GRK2: variants seen among roughly 807,000 people sequenced by gnomAD.
GRK2 encodes the protein adrenergic beta receptor kinase 1.
GRK2 carries 23 observed loss-of-function variants against 97.8 expected under a neutral mutation model. The observed-to-expected ratio is 0.24, with a 90% CI of 0.17 to 0.33. GRK2 has a LOEUF of 0.33. Among genes scored for constraint, GRK2 ranks in the 10% least tolerant of loss-of-function variants. The pLI is 1.00. For missense variants in GRK2, 633 were observed against 956.9 expected (o/e 0.66, Z 4.47); for synonymous variants, 425 against 381.7 (o/e 1.11, Z -1.32).
At chr11:67,275,677 CCCCATTGG>C (rs1445147836) in intron 1 of GRK2, among the ~76,000 whole-genome samples, 1 of 152,222 alleles carries the variant, frequency 6.6e-6, no homozygotes, top group African/African-American at 2.4e-5. Context: ...CTCTCTCCTG[CCCCATTGG>C]CCCCTTGCTC....
chr11:67,285,447 C>T lies in GRK2; in HGVS notation c.2067C>T (p.Leu689=), dbSNP rs1860257550. 4 of 1,541,044 alleles carry T rather than the reference C, an allele frequency of 2.6e-6. No individual in the cohort carries two copies. The highest frequency in any genetic ancestry group is 3.5e-6 in the Non-Finnish European group (4 of 1,145,858). Residue 689 remains leucine, a synonymous_variant, in exon 21 of 21, where the codon CTC becomes CTT. Transcript: ENST00000308595. ...TCCAGCGCGGCAGTGCCAACGGCCTCTGACCCGCCCACCCGCCTTTTATAA... is the reference window on the plus strand; with the variant it reads ...TCCAGCGCGGCAGTGCCAACGGCCTTTGACCCGCCCACCCGCCTTTTATAA... ...PLVQRGSANG[L] is the part of the protein sequence containing the mutation.
chr11:67,279,557 G>A (rs1170264262), intron 4 of GRK2, 38 bp downstream of exon 4: 7 of 1,612,408 alleles, frequency 4.3e-6, no homozygotes, highest in Non-Finnish European at 5.9e-6. Flanking sequence ...CTGGCCCAGA[G>A]TCACCTGCAG....
intron 5 of GRK2, 28 bp downstream of exon 5, chr11:67,279,728 C>G (rs937700207): frequency 1.2e-6 from 2 of 1,613,472 alleles, no homozygotes; most frequent in East Asian, 2.2e-5. Flanking sequence ...CCTCCCCAGG[C>G]AAGGTCACCT....
Position 67,284,284 on chromosome 11 carries a change from C to T in GRK2, c.1565C>T (p.Ala522Val), listed in dbSNP as rs758669214. 4.3e-6 allele frequency: 7 copies of T among 1,613,474 alleles called. No homozygotes were observed. The highest frequency in any genetic ancestry group is 5.9e-6 in the Non-Finnish European group (7 of 1,179,982). ...TCGGAGCGGTGGCAGCAGGAGGTGG[C>T]AGAGACTGTCTTCGACACCATCAAC... ...TISERWQQEV[A>V]ETVFDTINAE... is the part of the protein sequence containing the mutation. The change falls in exon 18 of 21, where the codon GCA (alanine) becomes GTA (valine). Residue 522 changes from alanine to valine, a missense_variant. Physicochemically the swap from Ala to Val is moderately conservative, Grantham distance 64 (BLOSUM62 0). Around this residue, in one of 4 missense-constraint regions of GRK2, gnomAD observed 180 missense variants for 311.3 expected, o/e 0.58. Transcript: ENST00000308595.
chr11:67,282,938 CCT>C lies in GRK2; in HGVS notation c.1227+123_1227+124del. Reference sequence around the variant, plus strand: ...TCTGGGCCACTGACCCCTACTCTGGCCTCTGAGACAGACCTCCTGCCCCATAG... The same window carrying C: ...TCTGGGCCACTGACCCCTACTCTGGCCTGAGACAGACCTCCTGCCCCATAG... On this transcript the variant is annotated intron_variant, in intron 14 of 20. Coordinates refer to ENST00000308595, the MANE Select transcript of GRK2 (RefSeq NM_001619.5). This position sits in a 1 kb window ranked among gnomAD's most constrained non-coding sequence, Gnocchi z 6.9. The C allele has an allele frequency of 8.1e-7, 1 of 1,239,682 alleles. No homozygotes were observed. The highest frequency in any genetic ancestry group is 1.1e-6 in the Non-Finnish European group (1 of 878,734). The allele number at this position is 1,239,682 out of a possible 1,614,324, so 76.8% of individuals were successfully genotyped here.
chr11:67,283,316 G>A (rs1297313578), intron 15 of GRK2, 88 bp downstream of exon 15: 1 of 1,216,430 alleles, frequency 8.2e-7, no homozygotes, highest in African/African-American at 1.5e-5. Context: ...CCCCTCCAAG[G>A]TCCCAGCCTC....
rs202042141 is a variant in GRK2 at position 67,281,442 on chromosome 11, C to T, written c.648-17C>T. Reference sequence around the variant, plus strand: ...TGCTCTGAGGGTGGGTGTTGACTGCCGACCTCTGCCCCGTAGGTACGCCAT... The same window carrying T: ...TGCTCTGAGGGTGGGTGTTGACTGCTGACCTCTGCCCCGTAGGTACGCCAT... On this transcript the variant is annotated splice_polypyrimidine_tract_variant and intron_variant, in intron 8 of 20. Transcript: ENST00000308595. The surrounding 1 kb of genome is among the most constrained non-coding windows in gnomAD (Gnocchi z 5.7). 197 of 1,611,124 alleles carry T rather than the reference C, an allele frequency of 1.2e-4. No individual in the cohort carries two copies. The highest frequency in any genetic ancestry group is 1.9e-4 in the African/African-American group (14 of 74,940).
At chr11:67,272,168 C>T (rs773551979) in intron 1 of GRK2, among the ~76,000 whole-genome samples, 53 of 152,224 alleles carry the variant, frequency 3.5e-4, no homozygotes, top group Non-Finnish European at 7.2e-4. Flanking sequence ...GGCTGCTCGT[C>T]TCCTACAGCT....
In GRK2 at chr11:67,281,015, C is replaced by T. The variant is rs565990847; in HGVS notation, c.556-78C>T. ...TATGGGGACCCTGGCATGGGGCCAG[C>T]CCCTGCTGCCCAGGTGCCTCTGCCC... On this transcript the variant is annotated intron_variant, in intron 7 of 20. Coordinates refer to ENST00000308595, the MANE Select transcript of GRK2 (RefSeq NM_001619.5). The surrounding 1 kb of genome is among the most constrained non-coding windows in gnomAD (Gnocchi z 5.7). 1.2e-5 allele frequency: 16 copies of T among 1,334,406 alleles called. No individual in the cohort carries two copies. The Admixed American group carries it at 3.2e-4, about 26-fold the overall frequency. The allele number at this position is 1,334,406 out of a possible 1,614,324, so 82.7% of individuals were successfully genotyped here.
At position 67,281,277 on chromosome 11, in the gene GRK2, C is replaced by A; in HGVS notation, c.647+93C>A. 1 of 1,175,828 alleles carries A rather than the reference C, an allele frequency of 8.5e-7. No individual in the cohort carries two copies. The highest frequency in any genetic ancestry group is 1.2e-6 in the Non-Finnish European group (1 of 809,564). 72.8% of individuals were successfully genotyped at this position (1,175,828 alleles called of 1,614,324 possible). On this transcript the variant is annotated intron_variant, in intron 8 of 20. Coordinates refer to ENST00000308595, the MANE Select transcript of GRK2 (RefSeq NM_001619.5). This position sits in a 1 kb window ranked among gnomAD's most constrained non-coding sequence, Gnocchi z 5.7. ...GGGTTCCACACAGGGCCACCTGCTG[C>A]TCCATGCACTCCTGTCTTGCCGTGC...
At chr11:67,280,620 C>A (rs1272227363) in intron 6 of GRK2, 112 bp from the exon 7 acceptor site, 12 of 1,243,648 alleles carry the variant, frequency 9.6e-6, no homozygotes, top group Non-Finnish European at 1.3e-5. Flanking sequence ...GTGATGTTTC[C>A]ACACCTACCC....
chr11:67,275,736 C>T (rs573728013), intron 1 of GRK2, among the ~76,000 whole-genome samples: 3 of 152,352 alleles, frequency 2.0e-5, no homozygotes, highest in East Asian at 1.9e-4. Flanking sequence ...CCACGTCTAC[C>T]GACCCCCCTG....
intron 2 of GRK2, among the ~76,000 whole-genome samples, chr11:67,277,879 G>A (rs917377624): frequency 1.1e-4 from 16 of 152,352 alleles, no homozygotes; most frequent in Admixed American, 9.8e-4. Context: ...GGCAGGTCTC[G>A]GGAAGCAGGC....
intron 1 of GRK2, among the ~76,000 whole-genome samples, chr11:67,271,264 AC>A (rs1331188360): frequency 6.6e-6 from 1 of 152,246 alleles, no homozygotes; most frequent in Non-Finnish European, 1.5e-5. Context: ...CTCTGCTGCA[AC>A]TGAGATACTA....
intron 6 of GRK2, 77 bp downstream of exon 6, chr11:67,279,977 C>A: frequency 1.4e-6 from 2 of 1,441,368 alleles, no homozygotes; most frequent in Non-Finnish European, 1.9e-6. Flanking sequence ...GCGTGGAGGG[C>A]AGAAGCCAGC....
chr11:67,286,524 A>G lies in GRK2; in HGVS notation c.*1074A>G. On this transcript the variant is annotated 3_prime_UTR_variant, in exon 21 of 21. Transcript: ENST00000308595. ...ATGTGATTTTAAAGAGTGAAAAATGAGACTATGCGTTTTTATAAAAAATGG... is the reference window on the plus strand; with the variant it reads ...ATGTGATTTTAAAGAGTGAAAAATGGGACTATGCGTTTTTATAAAAAATGG... The G allele has an allele frequency of 1.4e-6, 1 of 701,436 alleles. No individual in the cohort carries two copies. Among genetic ancestry groups the G allele is most frequent in the South Asian group, 1.5e-5 (1 of 67,574 alleles). 43.5% of individuals were successfully genotyped at this position (701,436 alleles called of 1,614,324 possible).
Position 67,285,337 on chromosome 11 carries a change from G to A in GRK2, c.1957G>A (p.Glu653Lys), listed in dbSNP as rs1860254427. Residue 653 changes from glutamate to lysine, a missense_variant, in exon 21 of 21, where the codon GAG (glutamate) becomes AAG (lysine). Glu to Lys is a moderately conservative substitution (Grantham distance 56). This residue lies in a region of GRK2 where 180 missense variants were observed against 311.3 expected (regional missense o/e 0.58). Coordinates refer to ENST00000308595, the MANE Select transcript of GRK2 (RefSeq NM_001619.5). ...GAAGGAGCTGCGCGACGCCTACCGC[G>A]AGGCCCAGCAGCTGGTGCAGCGGGT... is the stretch of plus-strand genomic sequence containing the variant. ...WKKELRDAYR[E>K]AQQLVQRVPK... 6 of 1,610,150 alleles carry A rather than the reference G, an allele frequency of 3.7e-6. No individual in the cohort carries two copies. The highest frequency in any genetic ancestry group is 1.1e-5 in the South Asian group (1 of 90,960).
At chr11:67,284,522 C>T (rs1219802906) in intron 18 of GRK2, 149 bp downstream of exon 18, 66 of 948,416 alleles carry the variant, frequency 7.0e-5, no homozygotes, top group Non-Finnish European at 1.0e-4. Flanking sequence ...TGGTGGCTCA[C>T]GCCTGTAATC....
Position 67,282,267 on chromosome 11 carries a change from A to G in GRK2, c.958-4A>G, listed in dbSNP as rs765740295. The G allele has an allele frequency of 8.1e-6, 13 of 1,613,022 alleles. No homozygotes were observed. In the South Asian group the frequency reaches 1.2e-4, roughly 15 times the overall value. ...CCAGGCAGCTCACTGGGCTTCCTTC[A>G]CAGCCAGCCAACATCCTTCTGGACG... On this transcript the variant is annotated splice_polypyrimidine_tract_variant and splice_region_variant and intron_variant, in intron 11 of 20. Coordinates refer to ENST00000308595, the MANE Select transcript of GRK2 (RefSeq NM_001619.5). This position sits in a 1 kb window ranked among gnomAD's most constrained non-coding sequence, Gnocchi z 6.9.
Sources: allele counts gnomAD v4.1 joint callset (sites outside exome capture counted in the v4.1 genomes callset), GRCh38; gene constraint gnomAD v4.1.1; regional missense constraint gnomAD v4.1.1; non-coding constraint Gnocchi (gnomAD v3.1); transcripts MANE v1.5; gene names NCBI Gene and HGNC (gene_info 2026-07-23, HGNC 2026-07-21).